GRHL2: variants seen among roughly 807,000 people sequenced by gnomAD.
The protein encoded by GRHL2 is grainyhead-like protein 2 homolog.
Under a neutral mutation model 83.8 loss-of-function variants are expected in GRHL2, and 21 were observed. The ratio of observed to expected loss-of-function variants is 0.25; its 90% CI spans 0.18 to 0.36. The LOEUF is 0.36. Among genes scored for constraint, GRHL2 ranks in the 10% least tolerant of loss-of-function variants. The probability of loss-of-function intolerance (pLI) is 1.00; values close to 1 mark genes in which losing one functional copy is unlikely to be tolerated. For missense variants in GRHL2, 623 were observed against 781.8 expected (o/e 0.80, Z 2.42); for synonymous variants, 280 against 278.9 (o/e 1.00, Z -0.04).
At chr8:101,615,132 G>A (rs1032463748) in intron 8 of GRHL2, among the ~76,000 whole-genome samples, 2 of 152,162 alleles carry the variant, frequency 1.3e-5, no homozygotes, top group Non-Finnish European at 2.9e-5. Flanking sequence ...ATGTGTGGTA[G>A]CTCATTTGAC....
At chr8:101,651,604 G>A (rs571913908) in intron 14 of GRHL2, among the ~76,000 whole-genome samples, 2 of 152,026 alleles carry the variant, frequency 1.3e-5, no homozygotes, top group African/African-American at 4.8e-5. Flanking sequence ...TGTCACCTTC[G>A]ATCCCACCTA....
At chr8:101,517,116 C>G (rs1810589050) in intron 1 of GRHL2, among the ~76,000 whole-genome samples, 1 of 152,100 alleles carries the variant, frequency 6.6e-6, no homozygotes, top group African/African-American at 2.4e-5. Flanking sequence ...CTTCACATCT[C>G]CCCTTTCCAC....
chr8:101,594,052 A>G (rs1812339674), intron 7 of GRHL2, among the ~76,000 whole-genome samples: 2 of 140,812 alleles, frequency 1.4e-5, no homozygotes, highest in African/African-American at 5.2e-5. Context: ...CTGGACAATA[A>G]GAGTGAGAGT....
At chr8:101,597,858 G>A (rs1812423890) in intron 7 of GRHL2, among the ~76,000 whole-genome samples, 1 of 151,844 alleles carries the variant, frequency 6.6e-6, no homozygotes, top group African/African-American at 2.4e-5. Context: ...AAAAGAAATA[G>A]GCATGCAACG....
intron 4 of GRHL2, among the ~76,000 whole-genome samples, chr8:101,568,105 TACTA>T (rs1811751671): frequency 2.0e-5 from 3 of 152,250 alleles, no homozygotes; most frequent in Non-Finnish European, 2.9e-5. Flanking sequence ...TTTTTTTTAA[TACTA>T]TCCAATGTTA....
rs144346988 is a variant in GRHL2 at position 101,657,825 on chromosome 8, G to A, written c.1699-6629G>A. 4.4e-3 allele frequency among the ~76,000 whole-genome samples: 575 copies of A among 131,310 alleles called. 10 individuals carry two copies. In the East Asian group the frequency reaches 0.062, roughly 14 times the overall value. The allele number at this position is 131,310 out of a possible 152,430, so 86.1% of individuals were successfully genotyped here. ...ACTGCACTCTAGCCTGGGCGACAGA[G>A]CGAAACAAAAAAAAAAAAGACAGAA... On this transcript the variant is annotated intron_variant, in intron 14 of 15. Coordinates refer to ENST00000646743, the MANE Select transcript of GRHL2 (RefSeq NM_024915.4).
chr8:101,609,481 A>G (rs1466537043), intron 8 of GRHL2, among the ~76,000 whole-genome samples: 3 of 151,088 alleles, frequency 2.0e-5, no homozygotes, highest in Non-Finnish European at 4.4e-5. Context: ...TGCTGCTAAG[A>G]AGGCTGCCCT....
intron 14 of GRHL2, among the ~76,000 whole-genome samples, chr8:101,653,523 A>T (rs991140878): frequency 3.9e-5 from 6 of 152,002 alleles, no homozygotes; most frequent in Non-Finnish European, 7.4e-5. Flanking sequence ...CATCCCACAG[A>T]TGGATCACTT....
intron 1 of GRHL2, among the ~76,000 whole-genome samples, chr8:101,507,801 A>G (rs950003012): frequency 7.8e-6 from 1 of 127,932 alleles, no homozygotes; most frequent in Non-Finnish European, 1.6e-5. Flanking sequence ...TTTTTAGACA[A>G]GAGTCTTACT....
chr8:101,561,355 G>T (rs1811605592), intron 4 of GRHL2, among the ~76,000 whole-genome samples: 1 of 152,126 alleles, frequency 6.6e-6, no homozygotes, highest in Non-Finnish European at 1.5e-5. Context: ...TCACAAGTTA[G>T]AACTAAGCAT....
intron 8 of GRHL2, among the ~76,000 whole-genome samples, chr8:101,615,445 T>C (rs1383355460): frequency 6.6e-6 from 1 of 152,210 alleles, no homozygotes; most frequent in Non-Finnish European, 1.5e-5. Context: ...GAAATATTCA[T>C]CAGAACACTT....
rs1813199694 is a variant in GRHL2, at chr8:101,632,232, A to C, written c.1352A>C (p.Asp451Ala). The C allele has an allele frequency of 6.2e-7, 1 of 1,613,882 alleles. No individual in the cohort carries two copies. The highest frequency in any genetic ancestry group is 8.5e-7 in the Non-Finnish European group (1 of 1,179,906). Residue 451 changes from aspartate to alanine, a missense_variant, in exon 11 of 16, where the codon GAT (aspartate) becomes GCT (alanine). This residue lies in a region of GRHL2 where 210 missense variants were observed against 254.8 expected (regional missense o/e 0.82). Transcript: ENST00000646743. ...ASQTQCNSSS[D>A]GKLAAIPLQK... is the part of the protein sequence containing the mutation. ...TTTGTGTGATCCCATCCAGCCTCTGATGGGAAGTTGGCTGCCATACCTTTA... is the reference window on the plus strand; with the variant it reads ...TTTGTGTGATCCCATCCAGCCTCTGCTGGGAAGTTGGCTGCCATACCTTTA...
At chr8:101,564,621 C>T (rs896163578) in intron 4 of GRHL2, among the ~76,000 whole-genome samples, 1 of 151,838 alleles carries the variant, frequency 6.6e-6, no homozygotes, top group African/African-American at 2.4e-5. Context: ...GCCTGGGCAA[C>T]ATAGTGAGAC....
chr8:101,578,954 T>G (rs2130246729), intron 7 of GRHL2, among the ~76,000 whole-genome samples: 1 of 152,306 alleles, frequency 6.6e-6, no homozygotes, highest in East Asian at 1.9e-4. Flanking sequence ...ACCTATTGTA[T>G]TAACTAGTCA....
At chr8:101,661,963 A>G (rs1813931992) in intron 14 of GRHL2, among the ~76,000 whole-genome samples, 1 of 152,186 alleles carries the variant, frequency 6.6e-6, no homozygotes, top group South Asian at 2.1e-4. Flanking sequence ...ATTTCCATCT[A>G]TGCTCTATCC....
intron 8 of GRHL2, among the ~76,000 whole-genome samples, chr8:101,612,146 T>G (rs1470266460): frequency 6.6e-6 from 1 of 150,910 alleles, no homozygotes; most frequent in Non-Finnish European, 1.5e-5. Context: ...TGTACCACCA[T>G]GCCCGGCTTA....
intron 11 of GRHL2, among the ~76,000 whole-genome samples, chr8:101,634,955 G>A (rs73699536): frequency 0.099 from 15,078 of 152,112 alleles, 2,072 homozygotes; most frequent in African/African-American, 0.31. Flanking sequence ...ATGTCTGGAC[G>A]CCTTTAAAGG....
intron 8 of GRHL2, among the ~76,000 whole-genome samples, chr8:101,618,644 G>GCT (rs1329305601): frequency 2.0e-5 from 3 of 151,792 alleles, no homozygotes; most frequent in African/African-American, 7.3e-5. Flanking sequence ...AATCTCGTAG[G>GCT]CTTTCTGCAG....
intron 12 of GRHL2, among the ~76,000 whole-genome samples, chr8:101,642,393 G>C: frequency 6.6e-6 from 1 of 152,184 alleles, no homozygotes; most frequent in East Asian, 1.9e-4. Flanking sequence ...TGGTGAAAAA[G>C]AAAGTCACTA....
Sources: gnomAD v4.1 joint callset for allele counts (sites outside exome capture counted in the v4.1 genomes callset) on GRCh38, gnomAD v4.1.1 for gene constraint, gnomAD v4.1.1 regional missense constraint, MANE v1.5 for transcripts, NCBI Gene and HGNC (gene_info 2026-07-23, HGNC 2026-07-21) for gene names.